The following SEMA6D variants were observed in gnomAD, a reference collection of about 807,000 sequenced individuals.
SEMA6D encodes the protein semaphorin-6D.
A neutral mutation model predicts 106.6 loss-of-function variants in SEMA6D; 35 were observed. The ratio of observed to expected loss-of-function variants is 0.33; its 90% confidence interval spans 0.25 to 0.44. SEMA6D has a LOEUF of 0.44. SEMA6D is among the 20% of genes least tolerant of loss of function. SEMA6D has a pLI of 1.00. For missense variants in SEMA6D, 1,185 were observed against 1,345.9 expected (o/e 0.88, Z 1.87); for synonymous variants, 499 against 487.7 (o/e 1.02, Z -0.31).
rs142706185 is a variant in SEMA6D at position 47,494,320 on chromosome 15, A to G, written c.-87+23775A>G. Among the ~76,000 whole-genome samples the G allele has an allele frequency of 6.6e-3, 1,004 of 152,240 alleles. 4 individuals are homozygous for G. The highest frequency in any genetic ancestry group is 8.7e-3 in the Non-Finnish European group (592 of 67,978). ...CTTATACACTACCCTAAAATTGGAT[A>G]TAGCATATGAACTCTTTCAATCATG... is the stretch of plus-strand genomic sequence containing the variant. On this transcript the variant is annotated intron_variant, in intron 3 of 19. Coordinates refer to the SEMA6D transcript ENST00000558014.
chr15:47,312,824 G>T (rs146841432), intron 1 of SEMA6D, among the ~76,000 whole-genome samples: 18 of 151,992 alleles, frequency 1.2e-4, no homozygotes, highest in Admixed American at 9.2e-4. Flanking sequence ...TAAATCCAAA[G>T]ACTTTTTTTA....
chr15:47,428,945 G>C (rs1313658207), intron 2 of SEMA6D, among the ~76,000 whole-genome samples: 2 of 151,328 alleles, frequency 1.3e-5, no homozygotes, highest in African/African-American at 4.9e-5. Context: ...GAGAGGGAGG[G>C]AGGAAAGAAG....
intron 1 of SEMA6D, among the ~76,000 whole-genome samples, chr15:47,731,991 G>A (rs551263693): frequency 1.4e-4 from 21 of 152,242 alleles, no homozygotes; most frequent in African/African-American, 4.8e-4. Context: ...TTGAGAAATT[G>A]GGTATATCAC....
intron 3 of SEMA6D, among the ~76,000 whole-genome samples, chr15:47,573,433 C>T (rs957979813): frequency 6.6e-6 from 1 of 152,132 alleles, no homozygotes; most frequent in East Asian, 1.9e-4. Flanking sequence ...GACAAACTTC[C>T]GTTGAATTAA....
At chr15:47,524,867 A>G (rs181367465) in intron 3 of SEMA6D, among the ~76,000 whole-genome samples, 4 of 152,156 alleles carry the variant, frequency 2.6e-5, no homozygotes, top group African/African-American at 7.2e-5. Context: ...GGAGGTATTT[A>G]TGTCTTGCTA....
At chr15:47,637,476 G>T (rs2077409885) in intron 4 of SEMA6D, among the ~76,000 whole-genome samples, 1 of 152,142 alleles carries the variant, frequency 6.6e-6, no homozygotes, top group South Asian at 2.1e-4. Flanking sequence ...TTTTTTTCTA[G>T]CGTATCAATC....
intron 4 of SEMA6D, among the ~76,000 whole-genome samples, chr15:47,666,957 G>T (rs1362423175): frequency 6.6e-6 from 1 of 152,124 alleles, no homozygotes; most frequent in African/African-American, 2.4e-5. Context: ...GAGGCCACTC[G>T]TAGATAATCC....
intron 1 of SEMA6D, among the ~76,000 whole-genome samples, chr15:47,722,457 C>CT (rs1302614714): frequency 3.3e-5 from 5 of 151,538 alleles, no homozygotes; most frequent in East Asian, 1.9e-4. Flanking sequence ...CTTTCTGTCG[C>CT]TTTTTTTTTG....
intron 1 of SEMA6D, among the ~76,000 whole-genome samples, chr15:47,328,652 GGTCCACCTGAT>G (rs1567001698): frequency 1.3e-5 from 2 of 152,246 alleles, no homozygotes; most frequent in East Asian, 3.9e-4. Flanking sequence ...CCATAGAGGT[GGTCCACCTGAT>G]GCAGCTGGCC....
intron 1 of SEMA6D, among the ~76,000 whole-genome samples, chr15:47,268,779 T>A (rs985114469): frequency 2.0e-5 from 3 of 152,206 alleles, no homozygotes; most frequent in Non-Finnish European, 2.9e-5. Flanking sequence ...TGTGGGTTGA[T>A]GTTGGGGCCA....
At chr15:47,656,915 G>T (rs569459362) in intron 4 of SEMA6D, among the ~76,000 whole-genome samples, 1 of 152,250 alleles carries the variant, frequency 6.6e-6, no homozygotes, top group Admixed American at 6.5e-5. Context: ...GGAAAATAAT[G>T]AGTGACAAAA....
chr15:47,497,640 C>T (rs2141545566), intron 3 of SEMA6D, among the ~76,000 whole-genome samples: 1 of 152,208 alleles, frequency 6.6e-6, no homozygotes, highest in East Asian at 1.9e-4. Flanking sequence ...AGTCTCCTTA[C>T]ACAGCTCCAG....
chr15:47,207,993 G>GCGCGCACACACACACACACACACACA (rs1424944556), intron 1 of SEMA6D, among the ~76,000 whole-genome samples: 1 of 89,398 alleles, frequency 1.1e-5, no homozygotes, highest in Non-Finnish European at 2.3e-5. Flanking sequence ...TGGCGCGCGC[G>GCGCGCACACACACACACACACACACA]CACACACACA....
intron 2 of SEMA6D, among the ~76,000 whole-genome samples, chr15:47,464,340 A>G (rs58506808): frequency 1.3e-5 from 2 of 152,028 alleles, no homozygotes; most frequent in African/African-American, 2.4e-5. Context: ...TGCTATTGTA[A>G]TAAATTCAGC....
chr15:47,501,744 G>A lies in SEMA6D; in HGVS notation c.-87+31199G>A, dbSNP rs530355115. Among the ~76,000 whole-genome samples the A allele has an allele frequency of 2.0e-5, 3 of 152,276 alleles. No homozygotes were observed. The East Asian group carries it at 5.8e-4, about 29-fold the overall frequency. On this transcript the variant is annotated intron_variant, in intron 3 of 19. Coordinates refer to the SEMA6D transcript ENST00000558014. ...TAAACCATTATTTGATGCAGCAAAA[G>A]AAATTAAATTACATCAGTTAATTGA...
chr15:47,557,536 C>T (rs1171276225), intron 3 of SEMA6D, among the ~76,000 whole-genome samples: 2 of 152,116 alleles, frequency 1.3e-5, no homozygotes, highest in African/African-American at 2.4e-5. Context: ...TGGCCACCTG[C>T]CAAGTGCAGG....
intron 3 of SEMA6D, among the ~76,000 whole-genome samples, chr15:47,497,164 C>G (rs947677933): frequency 6.6e-6 from 1 of 151,962 alleles, no homozygotes; most frequent in Non-Finnish European, 1.5e-5. Flanking sequence ...AAACATTCCT[C>G]TTTGTTGCCA....
At chr15:47,459,704 T>TTCTCCCC (rs1285154556) in intron 2 of SEMA6D, among the ~76,000 whole-genome samples, 3 of 152,100 alleles carry the variant, frequency 2.0e-5, no homozygotes, top group Admixed American at 6.6e-5. Context: ...ACAATAGGTT[T>TTCTCCCC]TCTCCCCTCT....
chr15:47,336,457 G>A (rs917980761), intron 1 of SEMA6D, among the ~76,000 whole-genome samples: 5 of 152,260 alleles, frequency 3.3e-5, no homozygotes, highest in Admixed American at 2.6e-4. Context: ...AAAAGCCTGT[G>A]AGCACCTCCC....
Sources: gnomAD v4.1 joint callset for allele counts (sites outside exome capture counted in the v4.1 genomes callset) on GRCh38, gnomAD v4.1.1 for gene constraint, MANE v1.5 for transcripts, NCBI Gene and HGNC (gene_info 2026-07-23, HGNC 2026-07-21) for gene names.